Variants in CPSF1 observed in about 807,000 individuals in gnomAD.
The protein encoded by CPSF1 is cleavage and polyadenylation specificity factor subunit 1.
In CPSF1, 106 loss-of-function variants were observed where a neutral mutation model predicts 175.8. The ratio of observed to expected loss-of-function variants is 0.60; its 90% CI spans 0.52 to 0.71. The LOEUF (loss-of-function observed/expected upper bound fraction) is 0.71, where lower values mean the gene tolerates loss of function less well. CPSF1 is among the 30% of genes least tolerant of loss of function. The probability of loss-of-function intolerance (pLI) is 0.00; values close to 1 mark genes in which losing one functional copy is unlikely to be tolerated. For synonymous variants in CPSF1, 1,024 were observed against 858.3 expected (o/e 1.19, Z -3.37); for missense variants, 1,734 against 2,022.9 (o/e 0.86, Z 2.74).
At position 144,394,721 on chromosome 8, in the gene CPSF1, A is replaced by T; in HGVS notation, c.3490T>A (p.Tyr1164Asn). The change falls in exon 31 of 38, where the codon TAC (tyrosine) becomes AAC (asparagine). Residue 1164 changes from tyrosine to asparagine, a missense_variant. Physicochemically the swap from Tyr to Asn is moderately radical, Grantham distance 143. Around this residue, in one of 10 missense-constraint regions of CPSF1, gnomAD observed 62 missense variants for 124.5 expected, o/e 0.50. Coordinates refer to ENST00000616140, the MANE Select transcript of CPSF1 (RefSeq NM_013291.3). ...ACGGGCCCCTTCTGCTCCTTCTCGT[A>T]AAGGACTTTGAACTTGTTCTTGGTC... ...PLTKNKFKVLYEKEQKGPVTA... is the reference protein window; with the variant it reads ...PLTKNKFKVLNEKEQKGPVTA... The T allele has an allele frequency of 6.2e-7, 1 of 1,613,460 alleles. No individual in the cohort carries two copies. Among genetic ancestry groups the T allele is most frequent in the Non-Finnish European group, 8.5e-7 (1 of 1,179,916 alleles).
In CPSF1 at chr8:144,397,261, G is replaced by C. The variant is rs782688250; in HGVS notation, c.2538C>G (p.Val846=). The stretch of plus-strand genomic sequence containing the variant: ...CCAGCGCCACCAGCAGCACCTCCTT[G>C]ACGAGGGGCAGCTCCCCCTGGCGCG... ...EATRQGELPL[V]KEVLLVALGS... Residue 846 remains valine (V), a synonymous_variant, in exon 23 of 38, where the codon GTC becomes GTG. Transcript: ENST00000616140. 1.3e-6 allele frequency: 2 copies of C among 1,550,262 alleles called. No homozygotes were observed. Among genetic ancestry groups the C allele is most frequent in the Non-Finnish European group, 1.7e-6 (2 of 1,147,628 alleles).
chr8:144,399,291 G>A lies in CPSF1; in HGVS notation c.1377C>T (p.Ala459=), dbSNP rs2116861180. 11 of 1,612,352 alleles carry A rather than the reference G, an allele frequency of 6.8e-6. No homozygotes were observed. The South Asian group carries it at 1.2e-4, about 18-fold the overall frequency. The part of the protein sequence containing the change: ...GSEAQSGTQL[A]TYSFEVCDSI... Reference sequence around the variant, plus strand: ...TCAATCTCACCTCAAAGGAGTAGGTGGCCAGCTGTGTTCCCGACTGGGCCT... The same window carrying A: ...TCAATCTCACCTCAAAGGAGTAGGTAGCCAGCTGTGTTCCCGACTGGGCCT... Residue 459 remains alanine, a synonymous_variant, in exon 14 of 38, where the codon GCC becomes GCT. Transcript: ENST00000616140. The surrounding 1 kb of genome is among the most constrained non-coding windows in gnomAD (Gnocchi z 6.4).
intron 9 of CPSF1, 31 bp downstream of exon 9, chr8:144,400,135 G>GGGGGGGGGGCCCCCCCCCCCCCCC: frequency 1.1e-6 from 1 of 896,010 alleles, no homozygotes; most frequent in Non-Finnish European, 1.6e-6. Flanking sequence ...CCGTCCCCGG[G>GGGGGGGGGGCCCCCCCCCCCCCCC]CCCCCCCCGC....
At position 144,394,140 on chromosome 8, in the gene CPSF1, G is replaced by A. The variant is rs782171639; in HGVS notation, c.3832C>T (p.Leu1278Phe). ...GFLVSDRDRN[L>F]MVYMYLPEAK... Reference sequence around the variant, plus strand: ...TCGGGCAGGTACATGTACACCATGAGGTTGCGGTCGCGGTCAGACACTGGG... The same window carrying A: ...TCGGGCAGGTACATGTACACCATGAAGTTGCGGTCGCGGTCAGACACTGGG... Residue 1278 changes from leucine (L) to phenylalanine (F), a missense_variant, in exon 34 of 38, where the codon CTC becomes TTC. This residue lies in a region of CPSF1 where 323 missense variants were observed against 338.5 expected (regional missense o/e 0.95). Coordinates refer to ENST00000616140, the MANE Select transcript of CPSF1 (RefSeq NM_013291.3). The A allele has an allele frequency of 6.2e-7, 1 of 1,612,922 alleles. No homozygotes were observed. The highest frequency in any genetic ancestry group is 8.5e-7 in the Non-Finnish European group (1 of 1,179,948).
rs782725040 is a variant in CPSF1 at position 144,399,383 on chromosome 8, G to T, written c.1295-10C>A. 4.3e-6 allele frequency: 7 copies of T among 1,612,856 alleles called. No individual in the cohort carries two copies. In the African/African-American group the frequency reaches 9.3e-5, roughly 21 times the overall value. On this transcript the variant is annotated splice_polypyrimidine_tract_variant and intron_variant, in intron 13 of 37. Coordinates refer to ENST00000616140, the MANE Select transcript of CPSF1 (RefSeq NM_013291.3). This position sits in a 1 kb window ranked among gnomAD's most constrained non-coding sequence, Gnocchi z 6.4. ...ACCGACTTACCCGCAGCTGCACACA[G>T]AGAGCCCACTTGAGCGCAGCCCTGG...
chr8:144,400,544 A>C, intron 7 of CPSF1, 51 bp from the exon 8 acceptor site: 1 of 1,609,588 alleles, frequency 6.2e-7, no homozygotes, highest in East Asian at 2.2e-5. Context: ...GCAGAGACCC[A>C]GGCCCAGCTC....
chr8:144,403,418 C>A (rs2116894848), intron 2 of CPSF1, among the ~76,000 whole-genome samples: 1 of 152,056 alleles, frequency 6.6e-6, no homozygotes, highest in Non-Finnish European at 1.5e-5. Context: ...TAGGGCCTCA[C>A]TGTCTCCCAG....
In CPSF1 at chr8:144,399,103, C is replaced by T. The variant is rs1820992923; in HGVS notation, c.1467+25G>A. The T allele has an allele frequency of 6.5e-7, 1 of 1,549,430 alleles. No individual in the cohort carries two copies. Among genetic ancestry groups the T allele is most frequent in the Non-Finnish European group, 8.7e-7 (1 of 1,147,282 alleles). On this transcript the variant is annotated intron_variant, in intron 15 of 37. Coordinates refer to ENST00000616140, the MANE Select transcript of CPSF1 (RefSeq NM_013291.3). This position sits in a 1 kb window ranked among gnomAD's most constrained non-coding sequence, Gnocchi z 6.4. ...CCCCTCACACTCCAGCCCCTGCCCC[C>T]AGCCCCGACCCCAACCCTGGGCACC...
rs1820530244 is a variant in CPSF1 at position 144,394,034 on chromosome 8, C to T, written c.3864G>A (p.Lys1288=). Residue 1288 remains lysine (K), a synonymous_variant, in exon 35 of 38, where the codon AAG becomes AAA. Coordinates refer to ENST00000616140, the MANE Select transcript of CPSF1 (RefSeq NM_013291.3). ...LMVYMYLPEA[K]ESFGGMRLLR... is the part of the protein sequence containing the mutation. ...GCAGGCGCATGCCCCCGAAACTCTC[C>T]TTGGCTAGACCAGAAAGGCCTAGGG... 1.9e-6 allele frequency: 3 copies of T among 1,611,398 alleles called. No homozygotes were observed. The highest frequency in any genetic ancestry group is 2.5e-6 in the Non-Finnish European group (3 of 1,178,440).
At position 144,397,497 on chromosome 8, in the gene CPSF1, C is replaced by T; in HGVS notation, c.2375G>A (p.Gly792Asp). The change falls in exon 22 of 38, where the codon GGC becomes GAC. Residue 792 changes from glycine (G) to aspartate (D), a missense_variant. By Grantham distance (94) the Gly-to-Asp change is moderately conservative (BLOSUM62 -1). Around this residue, in one of 10 missense-constraint regions of CPSF1, gnomAD observed 585 missense variants for 584.7 expected, o/e 1.00. Transcript: ENST00000616140. ...THWCLLVREN[G>D]TMEIYQLPDW... ...CAGGGCACCACCTACCTCCATGGTG[C>T]CATTCTCCCGCACCAGCAGGCACCA... 1 of 1,594,060 alleles carries T rather than the reference C, an allele frequency of 6.3e-7. No homozygotes were observed. The highest frequency in any genetic ancestry group is 8.6e-7 in the Non-Finnish European group (1 of 1,165,828).
In CPSF1 at chr8:144,393,301, T is replaced by C; in HGVS notation, c.*17A>G. ...GGGAGGTAGTTCCGTGTGCTGGTGG[T>C]GACGGCATCCACGGGGCTAGAAGTG... On this transcript the variant is annotated 3_prime_UTR_variant, in exon 38 of 38. Transcript: ENST00000616140. The C allele has an allele frequency of 6.7e-7, 1 of 1,488,370 alleles. No homozygotes were observed. Among genetic ancestry groups the C allele is most frequent in the South Asian group, 1.4e-5 (1 of 74,072 alleles). 92.2% of individuals were successfully genotyped at this position (1,488,370 alleles called of 1,614,324 possible).
intron 9 of CPSF1, 32 bp downstream of exon 9, chr8:144,400,134 G>GGGGGGGC: frequency 2.1e-6 from 2 of 964,402 alleles, no homozygotes; most frequent in Non-Finnish European, 1.5e-6. Flanking sequence ...GCCGTCCCCG[G>GGGGGGGC]GCCCCCCCCG....
At position 144,401,286 on chromosome 8, in the gene CPSF1, A is replaced by T. The variant is rs2116883285; in HGVS notation, c.312T>A (p.Ser104=). 1 of 1,564,672 alleles carries T rather than the reference A, an allele frequency of 6.4e-7. No individual in the cohort carries two copies. Among genetic ancestry groups the T allele is most frequent in the East Asian group, 2.4e-5 (1 of 41,384 alleles). The change falls in exon 5 of 38, where the codon TCT becomes TCA. Residue 104 remains serine (S), a synonymous_variant. Coordinates refer to ENST00000616140, the MANE Select transcript of CPSF1 (RefSeq NM_013291.3). ...LLLSFKDAKL[S]VVEYDPGTHD... is the part of the protein sequence containing the mutation. ...GGGTGCCCGGGTCGTACTCCACCAC[A>T]GACAGCTGCGGTCAGAGGGCACAGC...
At chr8:144,396,552 C>T in intron 25 of CPSF1, 46 bp downstream of exon 25, 1 of 1,607,748 alleles carries the variant, frequency 6.2e-7, no homozygotes, top group South Asian at 1.1e-5. Flanking sequence ...GCGGATGAGG[C>T]CGCGTCTCCC....
rs2116885850 is a variant in CPSF1, at chr8:144,401,574, C to A, written c.173-11G>T. On this transcript the variant is annotated splice_polypyrimidine_tract_variant and intron_variant, in intron 3 of 37. Coordinates refer to ENST00000616140, the MANE Select transcript of CPSF1 (RefSeq NM_013291.3). ...GGTGGGCCTTCCCCTCTAGGGGAGA[C>A]ACCAGGGCTCAGGGTCAGGGCCCAG... 4 of 1,613,062 alleles carry A rather than the reference C, an allele frequency of 2.5e-6. No individual in the cohort carries two copies. The African/African-American group carries it at 5.3e-5, about 22-fold the overall frequency.
chr8:144,394,990 G>A lies in CPSF1; in HGVS notation c.3306C>T (p.Cys1102=). 6.2e-7 allele frequency: 1 copy of A among 1,612,486 alleles called. No homozygotes were observed. The highest frequency in any genetic ancestry group is 8.5e-7 in the Non-Finnish European group (1 of 1,179,556). ...CACTGCGCAGAGACACTGTCTTCATGCAGGTCACATGCTCCCACTCCTGCA... is the reference window on the plus strand; with the variant it reads ...CACTGCGCAGAGACACTGTCTTCATACAGGTCACATGCTCCCACTCCTGCA... ...IELQEWEHVT[C]MKTVSLRSEE... The change falls in exon 30 of 38, where the codon TGC becomes TGT. Residue 1102 remains cysteine (C), a synonymous_variant. Coordinates refer to ENST00000616140, the MANE Select transcript of CPSF1 (RefSeq NM_013291.3).
At chr8:144,406,348 C>T (rs912726611) in intron 2 of CPSF1, among the ~76,000 whole-genome samples, 1 of 152,180 alleles carries the variant, frequency 6.6e-6, no homozygotes, top group Non-Finnish European at 1.5e-5. Flanking sequence ...ACTGCCCTGT[C>T]AGTCACCAGG....
In CPSF1 at chr8:144,398,444, C is replaced by A; in HGVS notation, c.1753-1G>T. The A allele has an allele frequency of 6.2e-7, 1 of 1,613,788 alleles. No homozygotes were observed. Among genetic ancestry groups the A allele is most frequent in the Non-Finnish European group, 8.5e-7 (1 of 1,179,974 alleles). On this transcript the variant is annotated splice_acceptor_variant, in intron 18 of 37. Transcript: ENST00000616140. LOFTEE classifies it high-confidence loss of function. ...TGATCTCCTGCCCCGTCTGCAGGAT[C>A]TGCGGGCGACAGCTGTGAGGGAGGC...
chr8:144,394,974 G>A lies in CPSF1; in HGVS notation c.3322C>T (p.Leu1108=). 6.2e-7 allele frequency: 1 copy of A among 1,612,932 alleles called. No homozygotes were observed. Among genetic ancestry groups the A allele is most frequent in the Non-Finnish European group, 8.5e-7 (1 of 1,179,890 alleles). The part of the protein sequence containing the change: ...EHVTCMKTVS[L]RSEETVSGLK... The stretch of plus-strand genomic sequence containing the variant: ...CCCGACACGGTCTCCTCACTGCGCA[G>A]AGACACTGTCTTCATGCAGGTCACA... Residue 1108 remains leucine (L), a synonymous_variant, in exon 30 of 38, where the codon CTG becomes TTG. Transcript: ENST00000616140.
Sources: allele counts gnomAD v4.1 joint callset (sites outside exome capture counted in the v4.1 genomes callset), GRCh38; gene constraint gnomAD v4.1.1; regional missense constraint gnomAD v4.1.1; non-coding constraint Gnocchi (gnomAD v3.1); transcripts MANE v1.5; gene names NCBI Gene and HGNC (gene_info 2026-07-23, HGNC 2026-07-21).